The following LMBRD2 variants were observed in gnomAD, a reference collection of about 807,000 sequenced individuals.
The protein encoded by LMBRD2 is LMBR1 domain containing 2, also known as G protein-coupled receptor-associated protein LMBRD2.
Under a neutral mutation model 94.4 loss-of-function variants are expected in LMBRD2, and 55 were observed. That is an observed-to-expected ratio of 0.58 (90% CI 0.47 to 0.73). The LOEUF (loss-of-function observed/expected upper bound fraction) is 0.73, where lower values mean the gene tolerates loss of function less well. Among genes scored for constraint, LMBRD2 ranks in the 30% least tolerant of loss-of-function variants. The pLI is 0.00. For missense variants in LMBRD2, 640 were observed against 831.9 expected (o/e 0.77, Z 2.84); for synonymous variants, 246 against 272.4 (o/e 0.90, Z 0.95).
At chr5:36,141,371 C>A (rs893698365) in intron 3 of LMBRD2, among the ~76,000 whole-genome samples, 169 bp from the exon 4 acceptor site, 1 of 151,896 alleles carries the variant, frequency 6.6e-6, no homozygotes, top group Non-Finnish European at 1.5e-5. Flanking sequence ...AAGCTGACTG[C>A]CAAACTAAAA....
At chr5:36,113,291 C>G (rs550584855) in intron 13 of LMBRD2, among the ~76,000 whole-genome samples, 3 of 152,214 alleles carry the variant, frequency 2.0e-5, no homozygotes, top group East Asian at 1.9e-4. Context: ...TCACGTACCC[C>G]CTGCTTGCTC....
intron 6 of LMBRD2, among the ~76,000 whole-genome samples, chr5:36,129,956 A>G (rs1744095014): frequency 6.6e-6 from 1 of 152,162 alleles, no homozygotes; most frequent in African/African-American, 2.4e-5. Context: ...CAAACACCGC[A>G]TGTTCTCACT....
chr5:36,131,095 C>T (rs546238833), intron 6 of LMBRD2, among the ~76,000 whole-genome samples: 17 of 152,214 alleles, frequency 1.1e-4, no homozygotes, highest in African/African-American at 3.9e-4. Flanking sequence ...CAAGAAAACA[C>T]TAGCAAAATG....
chr5:36,109,631 A>T (rs1743556336), intron 15 of LMBRD2, among the ~76,000 whole-genome samples: 1 of 152,040 alleles, frequency 6.6e-6, no homozygotes, highest in Non-Finnish European at 1.5e-5. Flanking sequence ...AATCAAAACC[A>T]CTTTAATAGC....
At chr5:36,142,475 A>G in intron 3 of LMBRD2, 27 bp downstream of exon 3, 1 of 1,301,270 alleles carries the variant, frequency 7.7e-7, no homozygotes, top group South Asian at 1.2e-5. Context: ...TACAATGTTT[A>G]TATATTTTTT....
chr5:36,147,808 G>A, intron 1 of LMBRD2: 2 of 354,418 alleles, frequency 5.6e-6, no homozygotes, highest in Non-Finnish European at 1.1e-5. Context: ...GAGAGAGAGA[G>A]AGAATGGGTA....
At chr5:36,114,625 G>T (rs1743695324) in intron 12 of LMBRD2, 104 bp from the exon 13 acceptor site, 6 of 1,286,654 alleles carry the variant, frequency 4.7e-6, no homozygotes, top group Non-Finnish European at 6.0e-6. Context: ...CAATCCATTT[G>T]AACTTTTTAA....
chr5:36,124,162 A>C lies in LMBRD2; in HGVS notation c.822+29T>G, dbSNP rs752877466. The C allele has an allele frequency of 7.5e-6, 10 of 1,330,738 alleles. No homozygotes were observed. The African/African-American group carries it at 1.0e-4, about 14-fold the overall frequency. The allele number at this position is 1,330,738 out of a possible 1,614,324, so 82.4% of individuals were successfully genotyped here. ...TAATATTATATAAGTGTATATTTCAAAAGGAAACAGACAAGATGATTTCAT... is the reference window on the plus strand; with the variant it reads ...TAATATTATATAAGTGTATATTTCACAAGGAAACAGACAAGATGATTTCAT... On this transcript the variant is annotated intron_variant, in intron 7 of 17. Transcript: ENST00000296603.
At chr5:36,138,063 A>G (rs1744313201) in intron 4 of LMBRD2, among the ~76,000 whole-genome samples, 2 of 152,228 alleles carry the variant, frequency 1.3e-5, no homozygotes, top group South Asian at 2.1e-4. Context: ...AGAGAACAGA[A>G]GGAGGGTAGA....
At chr5:36,141,287 T>C in intron 3 of LMBRD2, 85 bp from the exon 4 acceptor site, 1 of 697,488 alleles carries the variant, frequency 1.4e-6, no homozygotes, top group African/African-American at 1.8e-5. Flanking sequence ...GCCAAGTTAA[T>C]TTACATTCAG....
chr5:36,150,264 A>G lies in LMBRD2; in HGVS notation c.-58+1292T>C, dbSNP rs182147302. On this transcript the variant is annotated intron_variant, in intron 1 of 17. Transcript: ENST00000296603. ...AGATGTTGCAAGTATTCTAGTTCCC[A>G]GGTAACTCCTAGTAAAACCAAGACT... Among the ~76,000 whole-genome samples, 43 of 152,338 alleles carry G rather than the reference A, an allele frequency of 2.8e-4. No individual in the cohort carries two copies. The East Asian group carries it at 7.9e-3, about 28-fold the overall frequency.
intron 14 of LMBRD2, 31 bp from the exon 15 acceptor site, chr5:36,110,022 C>T: frequency 1.9e-6 from 3 of 1,556,734 alleles, no homozygotes; most frequent in Non-Finnish European, 2.7e-6. Flanking sequence ...TCAAATATGG[C>T]ATAACATGGT....
Position 36,122,979 on chromosome 5 carries a change from T to C in LMBRD2, c.823-18A>G. ...GTAGGGCACTAAAAAAAAAAAAAAG[T>C]AGATTTTTAAAAATCTTAATTGTAA... On this transcript the variant is annotated intron_variant, in intron 7 of 17. Coordinates refer to ENST00000296603, the MANE Select transcript of LMBRD2 (RefSeq NM_001007527.2). 1 of 1,362,184 alleles carries C rather than the reference T, an allele frequency of 7.3e-7. No individual in the cohort carries two copies. Among genetic ancestry groups the C allele is most frequent in the Non-Finnish European group, 9.8e-7 (1 of 1,023,344 alleles). 84.4% of individuals were successfully genotyped at this position (1,362,184 alleles called of 1,614,324 possible). A position where few individuals can be genotyped will look rare whatever the true frequency, so the allele number is the denominator to read the frequency against.
intron 16 of LMBRD2, among the ~76,000 whole-genome samples, chr5:36,108,202 C>A (rs1743517844): frequency 6.6e-6 from 1 of 152,090 alleles, no homozygotes; most frequent in Non-Finnish European, 1.5e-5. Context: ...ATAACCTACA[C>A]CTACTAATAG....
chr5:36,150,679 C>T (rs1744675271), intron 1 of LMBRD2, among the ~76,000 whole-genome samples: 1 of 152,144 alleles, frequency 6.6e-6, no homozygotes, highest in Non-Finnish European at 1.5e-5. Flanking sequence ...GTTTGATGAA[C>T]GGCTTAGCCT....
At chr5:36,120,011 TTC>T (rs983224940) in intron 9 of LMBRD2, among the ~76,000 whole-genome samples, 3 of 149,258 alleles carry the variant, frequency 2.0e-5, no homozygotes, top group African/African-American at 4.9e-5. Context: ...CTTTCTTTCT[TTC>T]TCTCTTTCTT....
chr5:36,143,000 C>T (rs538303428), intron 2 of LMBRD2, among the ~76,000 whole-genome samples, 176 bp downstream of exon 2: 82 of 152,308 alleles, frequency 5.4e-4, no homozygotes, highest in African/African-American at 1.9e-3. Flanking sequence ...GCTAAAATTA[C>T]AGGCGTGAGC....
intron 6 of LMBRD2, among the ~76,000 whole-genome samples, chr5:36,131,897 C>A (rs1489318803): frequency 4.6e-5 from 7 of 152,046 alleles, no homozygotes; most frequent in Non-Finnish European, 8.8e-5. Flanking sequence ...CTACCCAAAG[C>A]AATCTACAAT....
At chr5:36,132,153 A>G (rs1744170054) in intron 6 of LMBRD2, among the ~76,000 whole-genome samples, 1 of 152,092 alleles carries the variant, frequency 6.6e-6, no homozygotes, top group African/African-American at 2.4e-5. Context: ...ATAAATCCAT[A>G]TATCTACAGT....
Sources: gnomAD v4.1 joint callset for allele counts (sites outside exome capture counted in the v4.1 genomes callset) on GRCh38, gnomAD v4.1.1 for gene constraint, MANE v1.5 for transcripts, NCBI Gene and HGNC (gene_info 2026-07-23, HGNC 2026-07-21) for gene names.